The following OGG1 variants were observed in gnomAD, a reference collection of about 807,000 sequenced individuals.
OGG1 encodes the protein N-glycosylase/DNA lyase.
In OGG1, 35 loss-of-function variants were observed where a neutral mutation model predicts 42.3. The ratio of observed to expected loss-of-function variants is 0.83; its 90% confidence interval spans 0.63 to 1.10. OGG1 has a LOEUF of 1.10. OGG1 is among the 50% of genes least tolerant of loss of function. OGG1 has a pLI of 0.00. For synonymous variants in OGG1, 189 were observed against 179.0 expected (o/e 1.06, Z -0.44); for missense variants, 484 against 446.7 (o/e 1.08, Z -0.75).
At chr3:9,759,590 T>A (rs1314678775), downstream of OGG1, 2 of 1,614,186 alleles carry the variant, frequency 1.2e-6, no homozygotes, top group Non-Finnish European at 1.7e-6. Flanking sequence ...GATGGGGTTA[T>A]GTGGTGGGTT....
downstream of OGG1, chr3:9,769,946 C>G (rs995303581): frequency 6.6e-6 from 1 of 152,268 alleles, no homozygotes; most frequent in African/African-American, 2.4e-5. Context: ...CTTGCTGGAG[C>G]TGGGGCTCGG....
chr3:9,783,865 A>G, intron 3 of OGG1: 1 of 1,255,716 alleles, frequency 8.0e-7, no homozygotes, highest in Non-Finnish European at 1.1e-6. Context: ...TTTGTTTGGG[A>G]CATACCCGGT....
downstream of OGG1, chr3:9,760,997 T>C: frequency 1.9e-6 from 1 of 537,632 alleles, no homozygotes; most frequent in Non-Finnish European, 3.2e-6. Flanking sequence ...CCATTGCTTC[T>C]GCCTATGCCA....
chr3:9,754,567 C>T lies in OGG1; in HGVS notation c.566-137C>T. The T allele has an allele frequency of 3.4e-6, 3 of 879,820 alleles. No homozygotes were observed. In the South Asian group the frequency reaches 4.4e-5, roughly 13 times the overall value. The allele number at this position is 879,820 out of a possible 1,614,324, so 54.5% of individuals were successfully genotyped here. A position where few individuals can be genotyped will look rare whatever the true frequency, so the allele number is the denominator to read the frequency against. On this transcript the variant is annotated intron_variant, in intron 3 of 6. Transcript: ENST00000344629. ...TTTCCCTTGCACATAAAAGTGTCCACTATCCCATAGAGGGTGGGGAGGTAG... is the reference window on the plus strand; with the variant it reads ...TTTCCCTTGCACATAAAAGTGTCCATTATCCCATAGAGGGTGGGGAGGTAG...
chr3:9,760,905 G>T, downstream of OGG1: 1 of 1,283,300 alleles, frequency 7.8e-7, no homozygotes, highest in Non-Finnish European at 1.1e-6. Context: ...AGCCCTGCCT[G>T]CTCACTCCTG....
In OGG1 at chr3:9,784,253, T is replaced by G. The variant is rs775419646; in HGVS notation, c.382+2653T>G. 76 of 1,582,050 alleles carry G rather than the reference T, an allele frequency of 4.8e-5. No homozygotes were observed. The Admixed American group carries it at 1.3e-3, about 26-fold the overall frequency. ...AGGCCCGTCAGACTCAAGAGCCAGCTTGGAGAAGGGCCCACCTTGGAGGTT... is the reference window on the plus strand; with the variant it reads ...AGGCCCGTCAGACTCAAGAGCCAGCGTGGAGAAGGGCCCACCTTGGAGGTT... On this transcript the variant is annotated intron_variant, in intron 3 of 3. Transcript: ENST00000426518.
intron 2 of OGG1, 127 bp downstream of exon 2, chr3:9,751,319 T>A: frequency 2.1e-6 from 2 of 938,766 alleles, no homozygotes; most frequent in Non-Finnish European, 3.4e-6. Context: ...TTTAAGGAAC[T>A]AATACATGTA....
intron 2 of OGG1, 31 bp from the exon 3 acceptor site, chr3:9,751,739 C>T (rs2077309545): frequency 2.5e-6 from 4 of 1,608,940 alleles, no homozygotes; most frequent in Non-Finnish European, 3.4e-6. Context: ...CAGCAGGTAC[C>T]TCTCCTACCC....
downstream of OGG1, chr3:9,758,010 T>C: frequency 8.9e-7 from 1 of 1,126,902 alleles, no homozygotes; most frequent in South Asian, 1.7e-5. Flanking sequence ...CAAGGCTTTA[T>C]TATATATTTA....
chr3:9,760,253 GA>G (rs58204599), downstream of OGG1: 2,462 of 140,148 alleles, frequency 0.018, 4 homozygotes, highest in South Asian at 0.04. Flanking sequence ...AAAAAAGAAA[GA>G]AAAAAAAAAA....
In OGG1 at chr3:9,750,160, T is replaced by C; in HGVS notation, c.-127T>C. ...GAGGAATTAAGTGAAACAGGGAAGG[T>C]TGTTAAACAGCACCGTGTGGGCGAG... is the stretch of plus-strand genomic sequence containing the variant. On this transcript the variant is annotated 5_prime_UTR_variant, in exon 1 of 7. Coordinates refer to ENST00000344629, the MANE Select transcript of OGG1 (RefSeq NM_002542.6). 8.2e-7 allele frequency: 1 copy of C among 1,219,732 alleles called. No homozygotes were observed. The highest frequency in any genetic ancestry group is 2.4e-5 in the East Asian group (1 of 42,490). The allele number at this position is 1,219,732 out of a possible 1,614,324, so 75.6% of individuals were successfully genotyped here. A position where few individuals can be genotyped will look rare whatever the true frequency, so the allele number is the denominator to read the frequency against.
Position 9,756,528 on chromosome 3 carries a change from G to A in OGG1, c.805G>A (p.Val269Ile). The change falls in exon 5 of 7, where the codon GTC (valine) becomes ATC (isoleucine). Residue 269 changes from valine (V) to isoleucine (I), a missense_variant. Transcript: ENST00000344629. ...CAAGCCCCAGGCTGTGCCCGTGGAT[G>A]TCCATATGTGGCACATTGCCCAACG... ...LDKPQAVPVDVHMWHIAQRDY... is the reference protein window; with the variant it reads ...LDKPQAVPVDIHMWHIAQRDY... 1 of 1,614,156 alleles carries A rather than the reference G, an allele frequency of 6.2e-7. No homozygotes were observed. The highest frequency in any genetic ancestry group is 1.7e-5 in the Admixed American group (1 of 60,018).
downstream of OGG1, chr3:9,769,752 G>A (rs1218471447): frequency 6.6e-6 from 1 of 152,344 alleles, no homozygotes; most frequent in Non-Finnish European, 1.5e-5. Flanking sequence ...CACTCCTTGG[G>A]AAAGGATACC....
chr3:9,752,324 A>G (rs1415110412), intron 3 of OGG1, among the ~76,000 whole-genome samples: 1 of 152,158 alleles, frequency 6.6e-6, no homozygotes, highest in Admixed American at 6.5e-5. Flanking sequence ...TGTGAAGTAG[A>G]ATAATAATAG....
chr3:9,790,645 T>A (rs977912432), downstream of OGG1, among the ~76,000 whole-genome samples: 3 of 152,104 alleles, frequency 2.0e-5, no homozygotes, highest in Non-Finnish European at 2.9e-5. Context: ...GTCATCAGAG[T>A]AGCAAATAAA....
At chr3:9,775,664 C>G (rs1389778187) in intron 2 of OGG1, among the ~76,000 whole-genome samples, 3 of 147,866 alleles carry the variant, frequency 2.0e-5, no homozygotes, top group Admixed American at 1.4e-4. Context: ...TTTTTTGAGA[C>G]AGTCTCACTC....
At chr3:9,775,382 CAT>C (rs1296530342) in intron 2 of OGG1, among the ~76,000 whole-genome samples, 3 of 152,200 alleles carry the variant, frequency 2.0e-5, no homozygotes, top group Non-Finnish European at 4.4e-5. Context: ...CCAGTTTCCA[CAT>C]GAGATATTAC....
intron 3 of OGG1, chr3:9,783,831 G>T: frequency 1.0e-6 from 1 of 971,974 alleles, no homozygotes; most frequent in South Asian, 2.3e-5. Context: ...ACAGATGCCT[G>T]AGCCCCACTC....
downstream of OGG1, among the ~76,000 whole-genome samples, chr3:9,768,675 A>G (rs547073839): frequency 6.6e-6 from 1 of 152,340 alleles, no homozygotes; most frequent in East Asian, 1.9e-4. Flanking sequence ...CCCCATTCAG[A>G]GAACACAGCC....
Sources: gnomAD v4.1 joint callset for allele counts (sites outside exome capture counted in the v4.1 genomes callset) on GRCh38, gnomAD v4.1.1 for gene constraint, MANE v1.5 for transcripts, NCBI Gene and HGNC (gene_info 2026-07-23, HGNC 2026-07-21) for gene names.